Variants in PHLPP2 observed in about 807,000 individuals in gnomAD.
PHLPP2 encodes the protein PH domain and leucine rich repeat protein phosphatase 2, also known as PH domain leucine-rich repeat-containing protein phosphatase 2.
In PHLPP2, 66 loss-of-function variants were observed where a neutral mutation model predicts 124.9. The observed-to-expected ratio is 0.53, with a 90% CI of 0.43 to 0.65. The LOEUF (loss-of-function observed/expected upper bound fraction) is 0.65, where lower values mean the gene tolerates loss of function less well. Ranked by LOEUF, PHLPP2 falls within the 30% of genes least tolerant of loss-of-function variation. The pLI is 0.00. For missense variants in PHLPP2, 1,685 were observed against 1,600.4 expected (o/e 1.05, Z -0.90); for synonymous variants, 681 against 624.7 (o/e 1.09, Z -1.34).
intron 2 of PHLPP2, among the ~76,000 whole-genome samples, chr16:71,703,541 A>T (rs574630268): frequency 1.2e-4 from 18 of 152,336 alleles, no homozygotes; most frequent in African/African-American, 4.3e-4. Flanking sequence ...ATTTTGATAG[A>T]AGGGGCTATA....
intron 3 of PHLPP2, among the ~76,000 whole-genome samples, chr16:71,691,942 A>G (rs1331925943): frequency 6.6e-6 from 1 of 152,258 alleles, no homozygotes; most frequent in East Asian, 1.9e-4. Flanking sequence ...AAAAACAAAA[A>G]AAAACAAAAC....
intron 2 of PHLPP2, among the ~76,000 whole-genome samples, chr16:71,711,089 G>A (rs1351202622): frequency 6.6e-6 from 1 of 152,132 alleles, no homozygotes; most frequent in East Asian, 1.9e-4. Flanking sequence ...CAGCACTTTG[G>A]GAGGCCGAGG....
chr16:71,715,204 T>A (rs2045354052), intron 1 of PHLPP2: 2 of 181,386 alleles, frequency 1.1e-5, no homozygotes, highest in African/African-American at 2.4e-5. Context: ...AAATTTTTTT[T>A]TATATATTAG....
chr16:71,667,111 T>A, intron 12 of PHLPP2, 67 bp downstream of exon 12: 1 of 1,332,454 alleles, frequency 7.5e-7, no homozygotes, highest in South Asian at 1.3e-5. Context: ...GTCACTCCAA[T>A]GATAAGTCAC....
chr16:71,657,899 A>C (rs2044755584), intron 15 of PHLPP2, among the ~76,000 whole-genome samples: 1 of 152,214 alleles, frequency 6.6e-6, no homozygotes, highest in Non-Finnish European at 1.5e-5. Flanking sequence ...ATTTATGTTA[A>C]GTATTTTGAT....
intron 12 of PHLPP2, chr16:71,664,313 T>C: frequency 1.7e-6 from 1 of 583,132 alleles, no homozygotes; most frequent in East Asian, 2.9e-5. Context: ...GAGGAAAAAG[T>C]ACAAGCCTGG....
intron 18 of PHLPP2, among the ~76,000 whole-genome samples, chr16:71,650,804 G>C (rs1162667746): frequency 1.3e-5 from 2 of 152,212 alleles, no homozygotes; most frequent in African/African-American, 2.4e-5. Context: ...TTATTCGCCA[G>C]AATTTGTCAT....
chr16:71,659,443 G>T (rs2044770363), intron 13 of PHLPP2, among the ~76,000 whole-genome samples: 1 of 151,956 alleles, frequency 6.6e-6, no homozygotes, highest in Admixed American at 6.6e-5. Context: ...TAGAGACAGG[G>T]TTTCTCCATG....
At chr16:71,682,304 G>T (rs947182235) in intron 5 of PHLPP2, among the ~76,000 whole-genome samples, 1 of 148,174 alleles carries the variant, frequency 6.7e-6, no homozygotes, top group African/African-American at 2.5e-5. Context: ...TGCATCCTCC[G>T]TCTCCTGGGC....
chr16:71,669,630 C>G (rs997986299), intron 10 of PHLPP2, among the ~76,000 whole-genome samples: 2 of 152,180 alleles, frequency 1.3e-5, no homozygotes, highest in African/African-American at 4.8e-5. Flanking sequence ...GATAAAAAGG[C>G]TTTCTGCAAT....
rs2044682444 is a variant in PHLPP2, at chr16:71,649,751, C to T, written c.3111G>A (p.Glu1037=). 6.2e-7 allele frequency: 1 copy of T among 1,614,196 alleles called. No individual in the cohort carries two copies. The highest frequency in any genetic ancestry group is 2.2e-5 in the East Asian group (1 of 44,884). Residue 1037 remains glutamate, a synonymous_variant, in exon 19 of 19, where the codon GAG becomes GAA. Coordinates refer to ENST00000568954, the MANE Select transcript of PHLPP2 (RefSeq NM_015020.3). ...CATTCATTTCACAAGTGCAGCCTTC[C>T]TCACCAATATTCAAATAAACTACCA... The part of the protein sequence containing the change: ...GAMVVYLNIG[E]EGCTCEMNGL...
In PHLPP2 at chr16:71,676,470, C is replaced by G; in HGVS notation, c.1448G>C (p.Arg483Pro). Residue 483 changes from arginine to proline, a missense_variant, in exon 9 of 19, where the codon CGG becomes CCG. By Grantham distance (103) the Arg-to-Pro change is moderately radical. Coordinates refer to ENST00000568954, the MANE Select transcript of PHLPP2 (RefSeq NM_015020.3). ...RELTLSGFSL[R>P]TLYASSNRLT... ...ACTGTTGGAACTGGCATAGAGGGTC[C>G]GAAGGGAAAAGCCACTGAGTGTTAG... 1 of 1,613,944 alleles carries G rather than the reference C, an allele frequency of 6.2e-7. No individual in the cohort carries two copies. Among genetic ancestry groups the G allele is most frequent in the Non-Finnish European group, 8.5e-7 (1 of 1,179,858 alleles).
chr16:71,692,023 C>T (rs1310159812), intron 3 of PHLPP2, among the ~76,000 whole-genome samples: 1 of 151,872 alleles, frequency 6.6e-6, no homozygotes, highest in Admixed American at 6.6e-5. Flanking sequence ...GTGGTCCAAA[C>T]AGTAACACAG....
intron 2 of PHLPP2, among the ~76,000 whole-genome samples, chr16:71,705,695 A>T (rs985050163): frequency 2.1e-4 from 32 of 152,042 alleles, no homozygotes; most frequent in African/African-American, 7.0e-4. Flanking sequence ...TATTTTTAGT[A>T]GGGACAGGGT....
In PHLPP2 at chr16:71,667,277, T is replaced by C; in HGVS notation, c.1685A>G (p.Asn562Ser). Residue 562 changes from asparagine (N) to serine (S), a missense_variant, in exon 12 of 19, where the codon AAC (asparagine) becomes AGC (serine). Transcript: ENST00000568954. ...GATGTGCTCTACCAGTGTTGGAAGG[T>C]TTTGCACATGATTGTGTCCCAGCAT... ...KLMLGHNHVQ[N>S]LPTLVEHIPL... The C allele has an allele frequency of 1.9e-6, 3 of 1,613,636 alleles. No individual in the cohort carries two copies. Among genetic ancestry groups the C allele is most frequent in the Non-Finnish European group, 2.5e-6 (3 of 1,179,762 alleles).
chr16:71,720,004 T>C (rs1393067616), intron 1 of PHLPP2, among the ~76,000 whole-genome samples: 1 of 119,184 alleles, frequency 8.4e-6, no homozygotes, highest in Non-Finnish European at 1.7e-5. Flanking sequence ...GGAGTGTCGC[T>C]GTTGTCCAGG....
intron 7 of PHLPP2, 48 bp downstream of exon 7, chr16:71,679,341 G>GT (rs1567619398): frequency 6.5e-7 from 1 of 1,547,418 alleles, no homozygotes. Flanking sequence ...CCCCAGGCAA[G>GT]TTCCTTATTC....
intron 1 of PHLPP2, among the ~76,000 whole-genome samples, chr16:71,719,925 G>C (rs2045387080): frequency 6.8e-6 from 1 of 146,856 alleles, no homozygotes; most frequent in South Asian, 2.1e-4. Flanking sequence ...AGGCTCCTGA[G>C]TAGCTGGGAT....
intron 17 of PHLPP2, 42 bp downstream of exon 17, chr16:71,655,198 A>G (rs2044731915): frequency 7.3e-7 from 1 of 1,365,784 alleles, no homozygotes; most frequent in African/African-American, 1.4e-5. Flanking sequence ...ATATTTTCCA[A>G]AAGTAGAACT....
Sources: gnomAD v4.1 joint callset for allele counts (sites outside exome capture counted in the v4.1 genomes callset) on GRCh38, gnomAD v4.1.1 for gene constraint, MANE v1.5 for transcripts, NCBI Gene and HGNC (gene_info 2026-07-23, HGNC 2026-07-21) for gene names.